Variants in TP53BP2 observed in about 807,000 individuals in gnomAD.
TP53BP2 encodes the protein tumor protein p53 binding protein 2.
A neutral mutation model predicts 126.2 loss-of-function variants in TP53BP2; 62 were observed. That is an observed-to-expected ratio of 0.49 (90% CI 0.40 to 0.61). TP53BP2 has a LOEUF of 0.61. Among genes scored for constraint, TP53BP2 ranks in the 20% least tolerant of loss-of-function variants. The probability of loss-of-function intolerance (pLI) is 0.00; values close to 1 mark genes in which losing one functional copy is unlikely to be tolerated. For synonymous variants in TP53BP2, 485 were observed against 502.9 expected (o/e 0.96, Z 0.48); for missense variants, 1,215 against 1,402.8 (o/e 0.87, Z 2.14).
At chr1:223,845,627 C>G in intron 1 of TP53BP2, 27 bp downstream of exon 1, 1 of 1,545,800 alleles carries the variant, frequency 6.5e-7, no homozygotes, top group South Asian at 1.2e-5. Flanking sequence ...CTTCCGGGCC[C>G]GACGCCCTGG....
rs1309223315 is a variant in TP53BP2, at chr1:223,792,382, A to G, written c.2996+7T>C. 6.2e-7 allele frequency: 1 copy of G among 1,601,096 alleles called. No homozygotes were observed. The highest frequency in any genetic ancestry group is 1.3e-5 in the African/African-American group (1 of 74,832). On this transcript the variant is annotated splice_region_variant and intron_variant, in intron 15 of 17. Transcript: ENST00000343537. ...AAGTTTGACTGGAGTTTAAAAGAAA[A>G]TCTTACCATCCATCACTATCAGCAG...
At chr1:223,843,195 T>TA (rs1004804711) in intron 1 of TP53BP2, among the ~76,000 whole-genome samples, 1 of 148,038 alleles carries the variant, frequency 6.8e-6, no homozygotes, top group African/African-American at 2.6e-5. Flanking sequence ...TTTTTTTTTT[T>TA]ATGGAGTCAC....
chr1:223,803,007 A>C, intron 7 of TP53BP2, 112 bp from the exon 8 acceptor site: 1 of 1,128,898 alleles, frequency 8.9e-7, no homozygotes, highest in Non-Finnish European at 1.2e-6. Flanking sequence ...AGGTCCCTCC[A>C]CCCCTCCACA....
At chr1:223,810,934 T>G (rs1662888980) in intron 3 of TP53BP2, among the ~76,000 whole-genome samples, 1 of 152,186 alleles carries the variant, frequency 6.6e-6, no homozygotes, top group Non-Finnish European at 1.5e-5. Context: ...AATGCATCCT[T>G]GTACTCGCTA....
At chr1:223,797,372 T>A (rs1662359836) in intron 12 of TP53BP2, among the ~76,000 whole-genome samples, 2 of 152,014 alleles carry the variant, frequency 1.3e-5, no homozygotes, top group African/African-American at 4.8e-5. Context: ...TATGTCCCCA[T>A]TACAATGACT....
chr1:223,829,747 A>AT (rs201890972), intron 1 of TP53BP2, among the ~76,000 whole-genome samples: 2,979 of 152,144 alleles, frequency 0.02, 104 homozygotes, highest in African/African-American at 0.067. Context: ...AAAAAAAAAA[A>AT]AACAGCTGTT....
intron 1 of TP53BP2, among the ~76,000 whole-genome samples, chr1:223,842,372 T>C (rs1249860510): frequency 1.3e-5 from 2 of 152,234 alleles, no homozygotes; most frequent in African/African-American, 4.8e-5. Flanking sequence ...GTTCTTCAGT[T>C]CCCTTGGCCA....
At chr1:223,842,270 G>A (rs1296133461) in intron 1 of TP53BP2, among the ~76,000 whole-genome samples, 3 of 152,090 alleles carry the variant, frequency 2.0e-5, no homozygotes, top group East Asian at 1.9e-4. Flanking sequence ...TCTATATAAG[G>A]GCTATATGAT....
rs1267838032 is a variant in TP53BP2, at chr1:223,796,935, T to C, written c.1949-345A>G. Among the ~76,000 whole-genome samples, 1 of 152,254 alleles carries C rather than the reference T, an allele frequency of 6.6e-6. No individual in the cohort carries two copies. Among genetic ancestry groups the C allele is most frequent in the Non-Finnish European group, 1.5e-5 (1 of 68,050 alleles). On this transcript the variant is annotated intron_variant, in intron 12 of 17. Transcript: ENST00000343537. This position sits in a 1 kb window ranked among gnomAD's most constrained non-coding sequence, Gnocchi z 4.2. The stretch of plus-strand genomic sequence containing the variant: ...ATGCAATGAAAACAGATAATCCTCA[T>C]GTGTCCAGATTAAAACTAAACATGT...
chr1:223,820,508 C>G (rs965272884), intron 2 of TP53BP2, among the ~76,000 whole-genome samples: 39 of 152,108 alleles, frequency 2.6e-4, no homozygotes, highest in Admixed American at 2.2e-3. Flanking sequence ...GAAAAGTTAA[C>G]CAAAGATGAA....
At chr1:223,802,980 T>A in intron 7 of TP53BP2, 85 bp from the exon 8 acceptor site, 1 of 1,443,396 alleles carries the variant, frequency 6.9e-7, no homozygotes. Context: ...AACTATTATA[T>A]AATTTCTAAA....
chr1:223,837,516 G>A (rs773550253), intron 1 of TP53BP2, among the ~76,000 whole-genome samples: 1 of 151,952 alleles, frequency 6.6e-6, no homozygotes, highest in Non-Finnish European at 1.5e-5. Context: ...TCACCCCTGG[G>A]GCTTCTGAGG....
intron 16 of TP53BP2, among the ~76,000 whole-genome samples, chr1:223,786,618 TTCCC>T (rs1483589006): frequency 1.4e-5 from 2 of 139,338 alleles, no homozygotes; most frequent in East Asian, 2.1e-4. Context: ...ATATTTTTTT[TTCCC>T]CCGAGATGGA....
At chr1:223,787,482 C>G (rs1409847393) in intron 16 of TP53BP2, among the ~76,000 whole-genome samples, 3 of 152,060 alleles carry the variant, frequency 2.0e-5, no homozygotes, top group Admixed American at 6.5e-5. Flanking sequence ...CATGGTGGCT[C>G]ACACCTGTAA....
chr1:223,789,280 T>G (rs574341697), intron 15 of TP53BP2, 106 bp from the exon 16 acceptor site: 325 of 1,342,532 alleles, frequency 2.4e-4, no homozygotes, highest in Admixed American at 1.5e-3. Context: ...TACCAAGTTT[T>G]CTTCTGAAAA....
At chr1:223,788,580 T>C (rs1662049905) in intron 16 of TP53BP2, among the ~76,000 whole-genome samples, 1 of 152,222 alleles carries the variant, frequency 6.6e-6, no homozygotes, top group Admixed American at 6.5e-5. Context: ...GTTGCCTTTA[T>C]TTCACTTTAT....
Position 223,845,660 on chromosome 1 carries a change from C to G in TP53BP2, c.21G>C (p.Met7Ile). The change falls in exon 1 of 18, where the codon ATG becomes ATC. Residue 7 changes from methionine (M) to isoleucine (I), a missense_variant. By Grantham distance (10) the Met-to-Ile change is conservative. Transcript: ENST00000343537. ...TGGCCGCTCGCCCACTTACCGGCAT[C>G]ATCTTGGACCCGAACCGCATGGAAG... MRFGSKMMPMFLTVYLS... is the reference protein window; with the variant it reads MRFGSKIMPMFLTVYLS... 1 of 1,553,806 alleles carries G rather than the reference C, an allele frequency of 6.4e-7. No individual in the cohort carries two copies. Among genetic ancestry groups the G allele is most frequent in the East Asian group, 2.6e-5 (1 of 38,650 alleles).
chr1:223,814,452 C>A, intron 2 of TP53BP2, 99 bp from the exon 3 acceptor site: 1 of 843,888 alleles, frequency 1.2e-6, no homozygotes, highest in South Asian at 1.7e-5. Flanking sequence ...ATTATGGATA[C>A]AACAAATGCT....
At chr1:223,822,559 C>T (rs1169449248) in intron 1 of TP53BP2, among the ~76,000 whole-genome samples, 1 of 151,844 alleles carries the variant, frequency 6.6e-6, no homozygotes, top group Non-Finnish European at 1.5e-5. Context: ...GTCCCTGCTA[C>T]TTGGAAGGCT....
Sources: gnomAD v4.1 joint callset for allele counts (sites outside exome capture counted in the v4.1 genomes callset) on GRCh38, gnomAD v4.1.1 for gene constraint, Gnocchi (gnomAD v3.1) non-coding constraint, MANE v1.5 for transcripts, NCBI Gene and HGNC (gene_info 2026-07-23, HGNC 2026-07-21) for gene names.